The following TTC24 variants were observed in gnomAD, a reference collection of about 807,000 sequenced individuals.
The protein encoded by TTC24 is tetratricopeptide repeat protein 24.
In TTC24, 54 loss-of-function variants were observed where a neutral mutation model predicts 63.3. The observed-to-expected ratio is 0.85, with a 90% CI of 0.69 to 1.07. The LOEUF is 1.07. Among genes scored for constraint, TTC24 ranks in the 50% least tolerant of loss-of-function variants. The pLI is 0.00. For missense variants in TTC24, 680 were observed against 730.5 expected (o/e 0.93, Z 0.80); for synonymous variants, 276 against 304.3 (o/e 0.91, Z 0.97).
rs1218154896 is a variant in TTC24 at position 156,583,785 on chromosome 1, C to A, written c.1153-12C>A. On this transcript the variant is annotated splice_polypyrimidine_tract_variant and intron_variant, in intron 5 of 10. Coordinates refer to ENST00000368236, the MANE Select transcript of TTC24 (RefSeq NM_001105669.4). This position sits in a 1 kb window ranked among gnomAD's most constrained non-coding sequence, Gnocchi z 4.0. ...GCATTCCCCATTACCCTATTATCCA[C>A]CCTCTTCCCAGAAGGAGCCAGATTC... is the stretch of plus-strand genomic sequence containing the variant. The A allele has an allele frequency of 2.5e-5, 40 of 1,569,550 alleles. No homozygotes were observed. Among genetic ancestry groups the A allele is most frequent in the Non-Finnish European group, 3.4e-5 (39 of 1,157,216 alleles).
intron 8 of TTC24, 104 bp downstream of exon 8, chr1:156,585,335 C>T (rs761243840): frequency 4.0e-4 from 377 of 937,234 alleles, no homozygotes; most frequent in Middle Eastern, 1.8e-3. Flanking sequence ...TCCCACCATC[C>T]CGCCTTCCTG....
Position 156,582,065 on chromosome 1 carries a change from T to C in TTC24, c.701T>C (p.Leu234Pro). 2 of 1,466,526 alleles carry C rather than the reference T, an allele frequency of 1.4e-6. No individual in the cohort carries two copies. The highest frequency in any genetic ancestry group is 1.8e-6 in the Non-Finnish European group (2 of 1,108,284). The allele number at this position is 1,466,526 out of a possible 1,614,324, so 90.8% of individuals were successfully genotyped here. ...RLAERSTERR[L>P]LGHLYNDLGL... ...GCCGAGAGGAGCACTGAGAGGCGAC[T>C]GCTGGGTGAGACCTTCGGGCAGGGA... The change falls in exon 2 of 11, where the codon CTG becomes CCG. Residue 234 changes from leucine (L) to proline (P), a missense_variant. Coordinates refer to ENST00000368236, the MANE Select transcript of TTC24 (RefSeq NM_001105669.4).
chr1:156,582,136 G>C (rs1677016531), intron 2 of TTC24, 66 bp downstream of exon 2: 1 of 1,462,904 alleles, frequency 6.8e-7, no homozygotes, highest in Non-Finnish European at 9.1e-7. Flanking sequence ...TACTCAGAGG[G>C]CTGGGTTTGG....
Position 156,583,127 on chromosome 1 carries a change from C to T in TTC24, c.996C>T (p.Ala332=), listed in dbSNP as rs1209467353. The T allele has an allele frequency of 6.2e-7, 1 of 1,613,514 alleles. No individual in the cohort carries two copies. Among genetic ancestry groups the T allele is most frequent in the African/African-American group, 1.3e-5 (1 of 74,876 alleles). The change falls in exon 4 of 11, where the codon GCC becomes GCT. Residue 332 remains alanine, a synonymous_variant. Coordinates refer to ENST00000368236, the MANE Select transcript of TTC24 (RefSeq NM_001105669.4). This position sits in a 1 kb window ranked among gnomAD's most constrained non-coding sequence, Gnocchi z 4.0. The part of the protein sequence containing the change: ...ALSQLGDHKA[A]RDNYLHALQA... ...GCCAGCTGGGGGACCACAAGGCTGC[C>T]AGAGACAACTACCTGCATGCCCTGC...
chr1:156,584,967 C>A lies in TTC24; in HGVS notation c.1342C>A (p.Gln448Lys). Residue 448 changes from glutamine (Q) to lysine (K), a missense_variant, in exon 7 of 11, where the codon CAG becomes AAG. By Grantham distance (53) the Gln-to-Lys change is moderately conservative (BLOSUM62 1). Coordinates refer to ENST00000368236, the MANE Select transcript of TTC24 (RefSeq NM_001105669.4). ...GGCAGGAAGCAGCACAGCAGGTGTC[C>A]AGCACAGGTGAGGGTGGGAATGGTG... Reference protein sequence around the residue: ...AKAGSSTAGVQHRSSSGWEDE... With the variant: ...AKAGSSTAGVKHRSSSGWEDE... 1 of 1,595,466 alleles carries A rather than the reference C, an allele frequency of 6.3e-7. No homozygotes were observed. The highest frequency in any genetic ancestry group is 8.5e-7 in the Non-Finnish European group (1 of 1,171,008).
intron 3 of TTC24, 58 bp from the exon 4 acceptor site, chr1:156,582,984 G>A: frequency 2.6e-6 from 4 of 1,564,354 alleles, no homozygotes; most frequent in South Asian, 2.4e-5. Flanking sequence ...GGAGGGTGGG[G>A]TCCTGATGTC....
chr1:156,582,460 G>A (rs1482284313), intron 3 of TTC24, 26 bp downstream of exon 3: 1 of 1,607,446 alleles, frequency 6.2e-7, no homozygotes, highest in East Asian at 2.2e-5. Context: ...CGGGGAATGG[G>A]ACTGGGACTA....
Position 156,581,693 on chromosome 1 carries a change from A to C in TTC24, c.329A>C (p.Lys110Thr), listed in dbSNP as rs775189263. 6.4e-6 allele frequency: 10 copies of C among 1,551,648 alleles called. No individual in the cohort carries two copies. The highest frequency in any genetic ancestry group is 1.4e-5 in the African/African-American group (1 of 73,068). The change falls in exon 2 of 11, where the codon AAG (lysine) becomes ACG (threonine). Residue 110 changes from lysine to threonine, a missense_variant. Physicochemically the swap from Lys to Thr is moderately conservative, Grantham distance 78 (BLOSUM62 -1). Transcript: ENST00000368236. Reference sequence around the variant, plus strand: ...CTCCTGCGAGCCCACCCTGAAGAGAAGGCACAGGGCAGGCGACACGGCGAC... The same window carrying C: ...CTCCTGCGAGCCCACCCTGAAGAGACGGCACAGGGCAGGCGACACGGCGAC... ...ELLLRAHPEEKAQGRRHGDQC... is the reference protein window; with the variant it reads ...ELLLRAHPEETAQGRRHGDQC...
Position 156,582,216 on chromosome 1 carries a change from G to A in TTC24, c.707-15G>A. Reference sequence around the variant, plus strand: ...ATCTGGTCTGGCTACCAGTGACCCTGGCTATTCCCTCTAGGGCACCTCTAT... The same window carrying A: ...ATCTGGTCTGGCTACCAGTGACCCTAGCTATTCCCTCTAGGGCACCTCTAT... On this transcript the variant is annotated splice_polypyrimidine_tract_variant and intron_variant, in intron 2 of 10. Transcript: ENST00000368236. The A allele has an allele frequency of 6.5e-7, 1 of 1,543,962 alleles. No homozygotes were observed. The highest frequency in any genetic ancestry group is 8.8e-7 in the Non-Finnish European group (1 of 1,141,656).
chr1:156,582,000 G>A lies in TTC24; in HGVS notation c.636G>A (p.Val212=). ...TGCTGAAGAGTGGGCGGCATCGGGT[G>A]GGGGAAGTTGTGCAGGTGCTGGAGA... is the stretch of plus-strand genomic sequence containing the variant. The part of the protein sequence containing the change: ...GCMLKSGRHR[V]GEVVQVLEKS... Residue 212 remains valine (V), a synonymous_variant, in exon 2 of 11, where the codon GTG becomes GTA. Coordinates refer to ENST00000368236, the MANE Select transcript of TTC24 (RefSeq NM_001105669.4). 6.7e-7 allele frequency: 1 copy of A among 1,502,356 alleles called. No individual in the cohort carries two copies. 93.1% of individuals were successfully genotyped at this position (1,502,356 alleles called of 1,614,324 possible). A position where few individuals can be genotyped will look rare whatever the true frequency, so the allele number is the denominator to read the frequency against.
chr1:156,586,519 C>T lies in TTC24; in HGVS notation c.1718C>T (p.Pro573Leu). Reference protein sequence around the residue: ...ESLSRSRQRRPMESGICTIV With the variant: ...ESLSRSRQRRLMESGICTIV ...CTCAGCAGGAGCCGCCAGAGGAGAC[C>T]CATGGAGTCGGGCATCTGCACTATT... is the stretch of plus-strand genomic sequence containing the variant. Residue 573 changes from proline to leucine, a missense_variant, in exon 11 of 11, where the codon CCC becomes CTC. Transcript: ENST00000368236. The T allele has an allele frequency of 6.2e-7, 1 of 1,613,538 alleles. No homozygotes were observed. Among genetic ancestry groups the T allele is most frequent in the Non-Finnish European group, 8.5e-7 (1 of 1,179,792 alleles).
In TTC24 at chr1:156,583,886, T is replaced by C; in HGVS notation, c.1242T>C (p.Thr414=). 1 of 1,580,208 alleles carries C rather than the reference T, an allele frequency of 6.3e-7. No individual in the cohort carries two copies. The highest frequency in any genetic ancestry group is 8.6e-7 in the Non-Finnish European group (1 of 1,163,478). The part of the protein sequence containing the change: ...TRLAQVGLVQ[T]HTLTSAPGRL... ...TGGCCCAGGTGGGGCTGGTCCAGAC[T>C]CACACCCTGGTGAGATGACACCTGA... The change falls in exon 6 of 11, where the codon ACT becomes ACC. Residue 414 remains threonine, a synonymous_variant. Transcript: ENST00000368236. This position sits in a 1 kb window ranked among gnomAD's most constrained non-coding sequence, Gnocchi z 4.0.
At chr1:156,586,406 C>G in intron 10 of TTC24, 63 bp from the exon 11 acceptor site, 1 of 1,428,186 alleles carries the variant, frequency 7.0e-7, no homozygotes, top group Non-Finnish European at 9.6e-7. Context: ...GAGGCCAAGG[C>G]AGGCTGCCTC....
chr1:156,585,992 T>G lies in TTC24; in HGVS notation c.1614T>G (p.Pro538=), dbSNP rs754730368. The G allele has an allele frequency of 6.3e-7, 1 of 1,592,078 alleles. No individual in the cohort carries two copies. Among genetic ancestry groups the G allele is most frequent in the South Asian group, 1.1e-5 (1 of 88,018 alleles). ...RAHLPFVGPG[P]PRAEYPSILV... ...ATCTTCCATTTGTAGGTCCAGGCCC[T>G]CCCAGAGCGGAGTACCCTAGCATCT... is the stretch of plus-strand genomic sequence containing the variant. Residue 538 remains proline, a synonymous_variant, in exon 10 of 11, where the codon CCT becomes CCG. Coordinates refer to ENST00000368236, the MANE Select transcript of TTC24 (RefSeq NM_001105669.4).
In TTC24 at chr1:156,583,310, AG is replaced by A. The variant is rs34924172; in HGVS notation, c.1040-26del. ...GATCAGTGGGGTAGGAAGTCATGAAAGGACCTTCCAGGCTCTCTTTCTCTCA... is the reference window on the plus strand; with the variant it reads ...GATCAGTGGGGTAGGAAGTCATGAAAGACCTTCCAGGCTCTCTTTCTCTCA... On this transcript the variant is annotated intron_variant, in intron 4 of 10. Transcript: ENST00000368236. This position sits in a 1 kb window ranked among gnomAD's most constrained non-coding sequence, Gnocchi z 4.0. 400,840 of 1,610,416 alleles carry A rather than the reference AG, an allele frequency of 0.25. 55,030 individuals are homozygous for A. Among genetic ancestry groups the A allele is most frequent in the South Asian group, 0.48 (43,672 of 90,756 alleles).
chr1:156,582,692 C>A (rs529086852), intron 3 of TTC24, among the ~76,000 whole-genome samples: 1 of 152,302 alleles, frequency 6.6e-6, no homozygotes, highest in East Asian at 1.9e-4. Context: ...CGAGAGGAGG[C>A]CTGAAGCGGA....
In TTC24 at chr1:156,586,669, A is replaced by C; in HGVS notation, c.*119A>C. Reference sequence around the variant, plus strand: ...TCAGCCCTGCAGGGATGTGGAACACAGTGCAGCCAGTGGACTCCTGAGGAG... The same window carrying C: ...TCAGCCCTGCAGGGATGTGGAACACCGTGCAGCCAGTGGACTCCTGAGGAG... On this transcript the variant is annotated 3_prime_UTR_variant, in exon 11 of 11. Coordinates refer to ENST00000368236, the MANE Select transcript of TTC24 (RefSeq NM_001105669.4). 1 of 857,598 alleles carries C rather than the reference A, an allele frequency of 1.2e-6. No individual in the cohort carries two copies. The allele number at this position is 857,598 out of a possible 1,614,324, so 53.1% of individuals were successfully genotyped here.
rs753280754 is a variant in TTC24 at position 156,586,571 on chromosome 1, C to T, written c.*21C>T. Reference sequence around the variant, plus strand: ...TGTGACCTCCCCCTGCCAGCCTCAGCCCTCATCCCTGAAGCACCTGTCCAA... The same window carrying T: ...TGTGACCTCCCCCTGCCAGCCTCAGTCCTCATCCCTGAAGCACCTGTCCAA... On this transcript the variant is annotated 3_prime_UTR_variant, in exon 11 of 11. Coordinates refer to ENST00000368236, the MANE Select transcript of TTC24 (RefSeq NM_001105669.4). 3 of 1,605,852 alleles carry T rather than the reference C, an allele frequency of 1.9e-6. No homozygotes were observed. Among genetic ancestry groups the T allele is most frequent in the Non-Finnish European group, 1.7e-6 (2 of 1,174,416 alleles).
Position 156,583,065 on chromosome 1 carries a change from C to G in TTC24, c.934C>G (p.Gln312Glu), listed in dbSNP as rs753594026. Reference sequence around the variant, plus strand: ...AGGCTCTGTGGGGCAGCGGTGGGAGCAGGGCCGGAGCTTTGGCAGCCTGGC... The same window carrying G: ...AGGCTCTGTGGGGCAGCGGTGGGAGGAGGGCCGGAGCTTTGGCAGCCTGGC... ...LHGSVGQRWE[Q>E]GRSFGSLAFA... Residue 312 changes from glutamine to glutamate, a missense_variant, in exon 4 of 11, where the codon CAG becomes GAG. Gln to Glu is a conservative substitution (Grantham distance 29). Transcript: ENST00000368236. The surrounding 1 kb of genome is among the most constrained non-coding windows in gnomAD (Gnocchi z 4.0). 7 of 1,613,410 alleles carry G rather than the reference C, an allele frequency of 4.3e-6. No individual in the cohort carries two copies. The South Asian group carries it at 5.5e-5, about 13-fold the overall frequency.
Sources: gnomAD v4.1 joint callset for allele counts (sites outside exome capture counted in the v4.1 genomes callset) on GRCh38, gnomAD v4.1.1 for gene constraint, Gnocchi (gnomAD v3.1) non-coding constraint, MANE v1.5 for transcripts, NCBI Gene and HGNC (gene_info 2026-07-23, HGNC 2026-07-21) for gene names.